The following UBE2Z variants were observed in gnomAD, a reference collection of about 807,000 sequenced individuals.
UBE2Z encodes ubiquitin conjugating enzyme E2 Z, also known as ubiquitin-conjugating enzyme E2 Z.
Under a neutral mutation model 32.6 loss-of-function variants are expected in UBE2Z, and 10 were observed. The observed-to-expected ratio is 0.31, with a 90% CI of 0.19 to 0.52. The LOEUF is 0.52. Ranked by LOEUF, UBE2Z falls within the 20% of genes least tolerant of loss-of-function variation. The probability of loss-of-function intolerance (pLI) is 0.97; values close to 1 mark genes in which losing one functional copy is unlikely to be tolerated. For missense variants in UBE2Z, 343 were observed against 480.9 expected, an observed-to-expected ratio of 0.71 and a Z score of 2.68; for synonymous variants, 183 against 190.8, an observed-to-expected ratio of 0.96 and a Z score of 0.34.
intron 4 of UBE2Z, 63 bp downstream of exon 4, chr17:48,916,250 G>GTTTTTTGGTTTTTTT (rs2040718471): frequency 2.0e-6 from 1 of 512,260 alleles, no homozygotes; most frequent in African/African-American, 2.0e-5. Context: ...TGGTTGGTTG[G>GTTTTTTGGTTTTTTT]TTTTTTTGTT....
chr17:48,927,121 G>A lies in UBE2Z; in HGVS notation c.1052G>A (p.Ser351Asn). 6.2e-7 allele frequency: 1 copy of A among 1,613,890 alleles called. No homozygotes were observed. Among genetic ancestry groups the A allele is most frequent in the Non-Finnish European group, 8.5e-7 (1 of 1,179,864 alleles). The change falls in exon 7 of 7, where the codon AGC becomes AAC. Residue 351 changes from serine (S) to asparagine (N), a missense_variant. Ser to Asn is a conservative substitution (Grantham distance 46). This residue lies in a region of UBE2Z where 182 missense variants were observed against 312.4 expected (regional missense o/e 0.58). Coordinates refer to ENST00000360943, the MANE Select transcript of UBE2Z (RefSeq NM_023079.5). ...GGGACAGAGACAGACCTTCATGGGA[G>A]CCTGAGGGTTTAGACCCTGCTCCCA... ...SSGTETDLHG[S>N]LRV
chr17:48,923,505 G>A (rs1294418961), intron 6 of UBE2Z, among the ~76,000 whole-genome samples: 2 of 151,178 alleles, frequency 1.3e-5, no homozygotes, highest in African/African-American at 4.9e-5. Context: ...GGTAGCATGT[G>A]CCTATAATCC....
At chr17:48,912,728 C>G in intron 2 of UBE2Z, 106 bp from the exon 3 acceptor site, 2 of 1,188,298 alleles carry the variant, frequency 1.7e-6, no homozygotes, top group Non-Finnish European at 2.4e-6. Context: ...ACATGTGTAC[C>G]AGATTATGGA....
At chr17:48,923,374 T>C (rs1226662452) in intron 6 of UBE2Z, among the ~76,000 whole-genome samples, 1 of 146,368 alleles carries the variant, frequency 6.8e-6, no homozygotes, top group Non-Finnish European at 1.5e-5. Context: ...CTCACGCCTG[T>C]AATCCCAGCA....
chr17:48,913,112 A>G, intron 3 of UBE2Z, 91 bp downstream of exon 3: 4 of 1,247,472 alleles, frequency 3.2e-6, no homozygotes, highest in Non-Finnish European at 4.5e-6. Context: ...CATCTGAACT[A>G]CAGAACACAG....
chr17:48,917,323 A>G (rs2040727828), intron 4 of UBE2Z, among the ~76,000 whole-genome samples: 1 of 152,082 alleles, frequency 6.6e-6, no homozygotes. Flanking sequence ...AATAATAATA[A>G]TGAATTTTTT....
At chr17:48,922,586 T>C (rs1221159424) in intron 5 of UBE2Z, among the ~76,000 whole-genome samples, 1 of 151,296 alleles carries the variant, frequency 6.6e-6, no homozygotes, top group South Asian at 2.1e-4. Flanking sequence ...CTGGGCAACA[T>C]GGTGAAACCC....
At chr17:48,923,793 C>T (rs1019099222) in intron 6 of UBE2Z, among the ~76,000 whole-genome samples, 3 of 150,684 alleles carry the variant, frequency 2.0e-5, no homozygotes, top group African/African-American at 7.3e-5. Flanking sequence ...AGTGCAGTAG[C>T]TGGGTCACAG....
intron 1 of UBE2Z, among the ~76,000 whole-genome samples, chr17:48,909,286 G>C (rs1344623900): frequency 1.3e-5 from 2 of 150,756 alleles, no homozygotes; most frequent in Non-Finnish European, 2.9e-5. Context: ...GACGAACTCA[G>C]CTTCCTTTGC....
rs371253123 is a variant in UBE2Z, at chr17:48,916,258, G to GTTTTTT, written c.690+81_690+86dup. The GTTTTTT allele has an allele frequency of 8.0e-3, 3,323 of 416,690 alleles. 3 individuals carry two copies. The highest frequency in any genetic ancestry group is 0.025 in the East Asian group (451 of 18,150). 25.8% of individuals were successfully genotyped at this position (416,690 alleles called of 1,614,324 possible). A position where few individuals can be genotyped will look rare whatever the true frequency, so the allele number is the denominator to read the frequency against. ...GTTTGTTTGGTTGGTTGGTTTTTTT[G>GTTTTTT]TTTTTTTTTTTTTTTGAGACAGAGT... On this transcript the variant is annotated intron_variant, in intron 4 of 6. Transcript: ENST00000360943.
rs1192461526 is a variant in UBE2Z, at chr17:48,927,970, G to A, written c.*836G>A. On this transcript the variant is annotated 3_prime_UTR_variant, in exon 7 of 7. Transcript: ENST00000360943. ...CAGCTGCTGTGTATATGGGATTAGA[G>A]CCACTACATAGAATAGTCTCTTACA... 4 of 152,414 alleles carry A rather than the reference G, an allele frequency of 2.6e-5. No homozygotes were observed. Among genetic ancestry groups the A allele is most frequent in the Non-Finnish European group, 5.9e-5 (4 of 68,044 alleles). 9.4% of individuals were successfully genotyped at this position (152,414 alleles called of 1,614,324 possible).
intron 1 of UBE2Z, 100 bp from the exon 2 acceptor site, chr17:48,910,708 C>A: frequency 1.1e-6 from 1 of 900,444 alleles, no homozygotes. Flanking sequence ...CTTTCTCAAA[C>A]CCTGGCCTCA....
chr17:48,914,968 C>T (rs932844755), intron 3 of UBE2Z, among the ~76,000 whole-genome samples: 1 of 152,130 alleles, frequency 6.6e-6, no homozygotes, highest in Admixed American at 6.5e-5. Context: ...TTGCAGTGAG[C>T]CAAGATCACG....
intron 4 of UBE2Z, among the ~76,000 whole-genome samples, chr17:48,919,110 A>AT (rs1221009505): frequency 6.6e-6 from 1 of 151,020 alleles, no homozygotes; most frequent in Non-Finnish European, 1.5e-5. Flanking sequence ...TTATTTATTT[A>AT]TTTTTTATTT....
Position 48,913,155 on chromosome 17 carries a change from C to G in UBE2Z, c.578+134C>G, listed in dbSNP as rs1297874727. The G allele has an allele frequency of 5.6e-6, 5 of 886,756 alleles. No homozygotes were observed. The Admixed American group carries it at 7.7e-5, about 14-fold the overall frequency. 54.9% of individuals were successfully genotyped at this position (886,756 alleles called of 1,614,324 possible). On this transcript the variant is annotated intron_variant, in intron 3 of 6. Transcript: ENST00000360943. ...TTGAGTGACTCTTCTCAAATCTCCTCAGGATGGTATGTGACTAGTATCATT... is the reference window on the plus strand; with the variant it reads ...TTGAGTGACTCTTCTCAAATCTCCTGAGGATGGTATGTGACTAGTATCATT...
chr17:48,923,171 A>G, intron 6 of UBE2Z: 1 of 338,458 alleles, frequency 3.0e-6, no homozygotes, highest in East Asian at 5.8e-5. Flanking sequence ...AATACAAAAA[A>G]TTAGCCGGGC....
intron 3 of UBE2Z, 81 bp downstream of exon 3, chr17:48,913,102 C>A: frequency 7.3e-7 from 1 of 1,364,024 alleles, no homozygotes; most frequent in Non-Finnish European, 1.0e-6. Context: ...CGGAGTCCCT[C>A]ATCTGAACTA....
At chr17:48,909,441 C>G (rs1209780423) in intron 1 of UBE2Z, among the ~76,000 whole-genome samples, 3 of 152,036 alleles carry the variant, frequency 2.0e-5, no homozygotes, top group Non-Finnish European at 4.4e-5. Context: ...GCTGTCCACT[C>G]TTACGCCTCT....
Position 48,908,545 on chromosome 17 carries a change from CG to C in UBE2Z, c.46del (p.Ala16ArgfsTer113). ...CTGAGGAGGCGGCAACGGCGGGCGC[CG>C]GGGCGGCGGGCCCCGGGGCGAGCAG... The part of the protein sequence containing the change: ...PTEEAATAGA[G>X]AAGPGASSVA... On this transcript the variant is annotated frameshift_variant, in exon 1 of 7. Transcript: ENST00000360943. LOFTEE classifies it high-confidence loss of function. 2 of 1,235,888 alleles carry C rather than the reference CG, an allele frequency of 1.6e-6. No individual in the cohort carries two copies. 76.6% of individuals were successfully genotyped at this position (1,235,888 alleles called of 1,614,324 possible). A position where few individuals can be genotyped will look rare whatever the true frequency, so the allele number is the denominator to read the frequency against.
Sources: gnomAD v4.1 joint callset for allele counts (sites outside exome capture counted in the v4.1 genomes callset) on GRCh38, gnomAD v4.1.1 for gene constraint, gnomAD v4.1.1 regional missense constraint, MANE v1.5 for transcripts, NCBI Gene and HGNC (gene_info 2026-07-23, HGNC 2026-07-21) for gene names.